MYBL1: variants seen among roughly 807,000 people sequenced by gnomAD.
MYBL1 encodes MYB proto-oncogene like 1.
In MYBL1, 17 loss-of-function variants were observed where a neutral mutation model predicts 96.3. That is an observed-to-expected ratio of 0.18 (90% CI 0.12 to 0.26). The LOEUF is 0.26. Among genes scored for constraint, MYBL1 ranks in the 10% least tolerant of loss-of-function variants. MYBL1 has a pLI of 1.00. For missense variants in MYBL1, 701 were observed against 882.9 expected (o/e 0.79, Z 2.61); for synonymous variants, 282 against 292.7 (o/e 0.96, Z 0.37).
At chr8:66,592,005 C>T (rs1461806261) in intron 8 of MYBL1, among the ~76,000 whole-genome samples, 1 of 152,096 alleles carries the variant, frequency 6.6e-6, no homozygotes, top group Non-Finnish European at 1.5e-5. Context: ...GAGGCTCACA[C>T]CTATAATCCC....
intron 8 of MYBL1, 70 bp downstream of exon 8, chr8:66,592,370 T>C: frequency 7.7e-6 from 8 of 1,035,136 alleles, no homozygotes; most frequent in Middle Eastern, 2.0e-4. Flanking sequence ...GTATGCTTTC[T>C]AGCTGATAAA....
At chr8:66,565,731 C>G (rs1420193397) in intron 15 of MYBL1, among the ~76,000 whole-genome samples, 1 of 152,070 alleles carries the variant, frequency 6.6e-6, no homozygotes, top group Non-Finnish European at 1.5e-5. Flanking sequence ...ACCACTTACC[C>G]TTTTTCAGAA....
chr8:66,581,569 G>A (rs1020322797), intron 8 of MYBL1, among the ~76,000 whole-genome samples: 3 of 152,080 alleles, frequency 2.0e-5, no homozygotes, highest in Non-Finnish European at 4.4e-5. Flanking sequence ...CCCAGAACTC[G>A]AGAGGCTGAG....
intron 10 of MYBL1, among the ~76,000 whole-genome samples, chr8:66,574,370 A>C (rs973904525): frequency 6.6e-6 from 1 of 152,156 alleles, no homozygotes; most frequent in Non-Finnish European, 1.5e-5. Flanking sequence ...CAGAATAGAA[A>C]ACTGCTAGTA....
intron 8 of MYBL1, among the ~76,000 whole-genome samples, chr8:66,586,167 T>C (rs532783470): frequency 1.3e-4 from 20 of 150,562 alleles, no homozygotes; most frequent in Admixed American, 1.3e-3. Flanking sequence ...CACCTCAGCA[T>C]TCTGAGTAGC....
intron 9 of MYBL1, among the ~76,000 whole-genome samples, chr8:66,577,649 C>T (rs1809017027): frequency 6.6e-6 from 1 of 152,020 alleles, no homozygotes; most frequent in Non-Finnish European, 1.5e-5. Flanking sequence ...AATGGCCATA[C>T]TGCCCAAGGT....
intron 14 of MYBL1, 135 bp downstream of exon 14, chr8:66,566,549 A>G: frequency 1.7e-6 from 1 of 586,838 alleles, no homozygotes; most frequent in Non-Finnish European, 2.9e-6. Flanking sequence ...TTCTCTGTGA[A>G]TTAGGCAAAA....
At chr8:66,588,814 A>T (rs1809521556) in intron 8 of MYBL1, among the ~76,000 whole-genome samples, 1 of 152,128 alleles carries the variant, frequency 6.6e-6, no homozygotes, top group African/African-American at 2.4e-5. Context: ...GAGGTCAGGA[A>T]ATCAAGACCA....
At chr8:66,611,271 ATTGAG>A (rs751780748) in intron 1 of MYBL1, among the ~76,000 whole-genome samples, 40 of 152,342 alleles carry the variant, frequency 2.6e-4, no homozygotes, top group Non-Finnish European at 3.7e-4. Flanking sequence ...TAAACTTGTT[ATTGAG>A]TTAACATATT....
intron 6 of MYBL1, among the ~76,000 whole-genome samples, chr8:66,593,861 T>G (rs1249520814): frequency 1.3e-5 from 2 of 152,060 alleles, no homozygotes; most frequent in Non-Finnish European, 2.9e-5. Flanking sequence ...CGGGGCCGGG[T>G]ACAGTGGCCC....
At position 66,564,913 on chromosome 8, in the gene MYBL1, T is replaced by C. The variant is rs537716578; in HGVS notation, c.2131-88A>G. 2.3e-4 allele frequency: 175 copies of C among 763,634 alleles called. No individual in the cohort carries two copies. The African/African-American group carries it at 2.9e-3, about 12-fold the overall frequency. The allele number at this position is 763,634 out of a possible 1,614,324, so 47.3% of individuals were successfully genotyped here. On this transcript the variant is annotated intron_variant, in intron 15 of 15. Coordinates refer to ENST00000522677, the MANE Select transcript of MYBL1 (RefSeq NM_001080416.4). Reference sequence around the variant, plus strand: ...GACTCTTAAAGTCAGTTATTTTAACTGATTAGATATTTTATAAACAATAAT... The same window carrying C: ...GACTCTTAAAGTCAGTTATTTTAACCGATTAGATATTTTATAAACAATAAT...
intron 8 of MYBL1, among the ~76,000 whole-genome samples, chr8:66,591,091 C>T (rs1393826932): frequency 3.3e-5 from 5 of 151,946 alleles, no homozygotes; most frequent in Non-Finnish European, 5.9e-5. Context: ...GGCTCACGCC[C>T]TAATCCCAGC....
intron 8 of MYBL1, among the ~76,000 whole-genome samples, chr8:66,591,911 C>T (rs137974768): frequency 6.6e-6 from 1 of 152,024 alleles, no homozygotes; most frequent in African/African-American, 2.4e-5. Context: ...GCATTTATGA[C>T]TCAAGAAGTA....
chr8:66,588,124 C>T (rs1387398807), intron 8 of MYBL1, among the ~76,000 whole-genome samples: 2 of 152,038 alleles, frequency 1.3e-5, no homozygotes, highest in Admixed American at 1.3e-4. Context: ...CATGGTTTTC[C>T]TCTCATGCTG....
At chr8:66,584,660 A>C (rs916684770) in intron 8 of MYBL1, among the ~76,000 whole-genome samples, 1 of 152,112 alleles carries the variant, frequency 6.6e-6, no homozygotes, top group African/African-American at 2.4e-5. Context: ...GGAGTTCAAG[A>C]CCAGCCTGGG....
At chr8:66,608,263 C>T (rs1365699255) in intron 1 of MYBL1, among the ~76,000 whole-genome samples, 1 of 152,090 alleles carries the variant, frequency 6.6e-6, no homozygotes, top group African/African-American at 2.4e-5. Flanking sequence ...CTCTATTTTG[C>T]ATTTCAGCAT....
At chr8:66,597,805 C>T (rs897603016) in intron 4 of MYBL1, among the ~76,000 whole-genome samples, 35 of 120,240 alleles carry the variant, frequency 2.9e-4, no homozygotes, top group African/African-American at 1.1e-3. Context: ...TTTGAAATAA[C>T]TGTAAACATG....
chr8:66,592,108 TA>T (rs894472747), intron 8 of MYBL1, among the ~76,000 whole-genome samples: 1 of 150,362 alleles, frequency 6.7e-6, no homozygotes, highest in Non-Finnish European at 1.5e-5. Flanking sequence ...TCTACAAAAA[TA>T]AAAAAAAATT....
chr8:66,566,756 T>C lies in MYBL1; in HGVS notation c.1878A>G (p.Ser626=). The change falls in exon 14 of 16, where the codon TCA becomes TCG. Residue 626 remains serine, a synonymous_variant. Coordinates refer to ENST00000522677, the MANE Select transcript of MYBL1 (RefSeq NM_001080416.4). ...CTTTTTCCCAATTATCTAAGACTAG[T>C]GATTTTCTGACTTTCTTCCCAGAAG... ...NTASGKKVRK[S]LVLDNWEKEE... is the part of the protein sequence containing the mutation. 1 of 1,610,308 alleles carries C rather than the reference T, an allele frequency of 6.2e-7. No homozygotes were observed. The highest frequency in any genetic ancestry group is 1.1e-5 in the South Asian group (1 of 90,730).
Sources: gnomAD v4.1 joint callset for allele counts (sites outside exome capture counted in the v4.1 genomes callset) on GRCh38, gnomAD v4.1.1 for gene constraint, MANE v1.5 for transcripts, NCBI Gene and HGNC (gene_info 2026-07-23, HGNC 2026-07-21) for gene names.